Variants in PCDHA3 observed in about 807,000 individuals in gnomAD.
The protein encoded by PCDHA3 is protocadherin alpha-3.
In PCDHA3, 41 loss-of-function variants were observed where a neutral mutation model predicts 62.2. The ratio of observed to expected loss-of-function variants is 0.66; its 90% CI spans 0.51 to 0.86. The LOEUF is 0.86. PCDHA3 is among the 40% of genes least tolerant of loss of function. The probability of loss-of-function intolerance (pLI) is 0.00; values close to 1 mark genes in which losing one functional copy is unlikely to be tolerated. For missense variants in PCDHA3, 1,304 were observed against 1,241.2 expected, an observed-to-expected ratio of 1.05 and a Z score of -0.76; for synonymous variants, 640 against 555.4, an observed-to-expected ratio of 1.15 and a Z score of -2.14.
chr5:140,855,331 A>C (rs1554147752), intron 1 of PCDHA3, among the ~76,000 whole-genome samples: 1 of 149,982 alleles, frequency 6.7e-6, no homozygotes, highest in Non-Finnish European at 1.5e-5. Flanking sequence ...GGGAGAGGTT[A>C]AACGATTTTC....
chr5:140,968,029 G>C (rs1554230214), intron 1 of PCDHA3: 4 of 1,614,170 alleles, frequency 2.5e-6, no homozygotes, highest in South Asian at 2.2e-5. Context: ...CCTATACACT[G>C]GTGGTGAGCG....
intron 1 of PCDHA3, among the ~76,000 whole-genome samples, chr5:140,955,987 A>T (rs1185683030): frequency 6.6e-6 from 1 of 152,198 alleles, no homozygotes; most frequent in Non-Finnish European, 1.5e-5. Context: ...CAATTTTTGC[A>T]CATTGATTTT....
intron 1 of PCDHA3, chr5:140,866,668 AT>A (rs2049485821): frequency 1.3e-5 from 2 of 152,156 alleles, no homozygotes; most frequent in African/African-American, 2.4e-5. Flanking sequence ...TCAAGAAATA[AT>A]AGCACTAGGT....
At chr5:140,803,710 T>C (rs1312933192) in intron 1 of PCDHA3, 119 bp downstream of exon 1, 1 of 1,515,562 alleles carries the variant, frequency 6.6e-7, no homozygotes, top group East Asian at 2.3e-5. Context: ...AATTAGACTT[T>C]TCCAGTTTTG....
chr5:140,963,233 G>C (rs151988), intron 1 of PCDHA3, among the ~76,000 whole-genome samples: 50,230 of 151,972 alleles, frequency 0.33, 8,535 homozygotes, highest in East Asian at 0.53. Context: ...GACACTGTTT[G>C]ATGGATTAGG....
intron 1 of PCDHA3, chr5:140,967,561 G>T: frequency 6.2e-7 from 1 of 1,614,076 alleles, no homozygotes; most frequent in Non-Finnish European, 8.5e-7. Flanking sequence ...ATCGCGTCCA[G>T]CTACGGGAGG....
chr5:140,877,193 G>T, intron 1 of PCDHA3: 1 of 1,613,832 alleles, frequency 6.2e-7, no homozygotes, highest in Non-Finnish European at 8.5e-7. Flanking sequence ...GGCAGCGCAG[G>T]AGGCGCAGTT....
chr5:140,880,848 T>C (rs557784006), intron 1 of PCDHA3, among the ~76,000 whole-genome samples: 31 of 152,258 alleles, frequency 2.0e-4, no homozygotes, highest in African/African-American at 7.0e-4. Flanking sequence ...TGGTTGACTA[T>C]GTAGTCTAAT....
At chr5:140,835,228 C>G (rs1260478265) in intron 1 of PCDHA3, 2 of 1,593,870 alleles carry the variant, frequency 1.3e-6, no homozygotes, top group African/African-American at 2.8e-5. Context: ...TACTCCTTCT[C>G]CAGTGATGTT....
chr5:140,900,381 G>A lies in PCDHA3; in HGVS notation c.2395-78568G>A, dbSNP rs149167159. 1.2e-4 allele frequency among the ~76,000 whole-genome samples: 19 copies of A among 152,024 alleles called. 1 individual carries two copies. The East Asian group carries it at 2.1e-3, about 17-fold the overall frequency. ...CAACCTCTGCCTCCTGGGTTCAAGC[G>A]ATTCTCCTGCCTCAGCCTCCCAAGT... is the stretch of plus-strand genomic sequence containing the variant. On this transcript the variant is annotated intron_variant, in intron 1 of 3. Transcript: ENST00000522353.
intron 1 of PCDHA3, among the ~76,000 whole-genome samples, chr5:140,885,555 C>T (rs1225816980): frequency 3.3e-5 from 5 of 151,940 alleles, no homozygotes; most frequent in South Asian, 2.1e-4. Flanking sequence ...GTTATTTCTA[C>T]GAAATTGATT....
At chr5:140,852,905 G>C in intron 1 of PCDHA3, 3 of 819,178 alleles carry the variant, frequency 3.7e-6, no homozygotes, top group Non-Finnish European at 4.5e-6. Flanking sequence ...TTGAGTCAGA[G>C]TCTCGCTCTG....
At chr5:140,937,291 C>T (rs940890612) in intron 1 of PCDHA3, among the ~76,000 whole-genome samples, 1 of 152,104 alleles carries the variant, frequency 6.6e-6, no homozygotes, top group African/African-American at 2.4e-5. Flanking sequence ...CCCGCTTCGG[C>T]CTCCCAAAGT....
intron 1 of PCDHA3, among the ~76,000 whole-genome samples, chr5:140,901,060 AT>A (rs542927280): frequency 1.3e-5 from 2 of 151,130 alleles, no homozygotes; most frequent in East Asian, 3.9e-4. Flanking sequence ...AGATTATTAG[AT>A]TTTTTTTTCT....
chr5:140,836,758 G>C, intron 1 of PCDHA3: 1 of 1,572,510 alleles, frequency 6.4e-7, no homozygotes, highest in South Asian at 1.2e-5. Context: ...AAATAATCTT[G>C]TTTCCAACAA....
chr5:140,878,378 G>T (rs1449332570), intron 1 of PCDHA3, among the ~76,000 whole-genome samples: 3 of 152,178 alleles, frequency 2.0e-5, no homozygotes, highest in African/African-American at 7.2e-5. Flanking sequence ...TATGATGAAT[G>T]ATTTTCTTCA....
chr5:140,829,617 C>T (rs1429736622), intron 1 of PCDHA3: 1 of 1,612,166 alleles, frequency 6.2e-7, no homozygotes, highest in East Asian at 2.2e-5. Context: ...AGCTACATTT[C>T]GGTGCACGCG....
chr5:140,952,822 G>A (rs1364476088), intron 1 of PCDHA3, among the ~76,000 whole-genome samples: 3 of 152,184 alleles, frequency 2.0e-5, no homozygotes, highest in Non-Finnish European at 4.4e-5. Context: ...TGTACAGGAA[G>A]CATGATGCTG....
intron 1 of PCDHA3, among the ~76,000 whole-genome samples, chr5:140,846,539 TA>T: frequency 6.7e-6 from 1 of 148,618 alleles, no homozygotes; most frequent in Middle Eastern, 3.5e-3. Context: ...CATGCCCTGC[TA>T]ATTTTTTGTA....
Sources: allele counts gnomAD v4.1 joint callset (sites outside exome capture counted in the v4.1 genomes callset), GRCh38; gene constraint gnomAD v4.1.1; transcripts MANE v1.5; gene names NCBI Gene and HGNC (gene_info 2026-07-23, HGNC 2026-07-21).